RIC3: variants seen among roughly 807,000 people sequenced by gnomAD.
RIC3 encodes protein RIC-3.
A neutral mutation model predicts 27.3 loss-of-function variants in RIC3; 28 were observed. That is an observed-to-expected ratio of 1.02 (90% CI 0.76 to 1.41). The LOEUF (loss-of-function observed/expected upper bound fraction) is 1.41, where lower values mean the gene tolerates loss of function less well. Ranked by LOEUF, RIC3 falls within the 40% of genes most tolerant of loss-of-function variation. The pLI, the probability that RIC3 is intolerant of heterozygous loss-of-function variation, is 0.00. For missense variants in RIC3, 501 were observed against 444.7 expected, an observed-to-expected ratio of 1.13 and a Z score of -1.14; for synonymous variants, 184 against 160.4, an observed-to-expected ratio of 1.15 and a Z score of -1.11.
chr11:8,112,598 A>G (rs1396596288), intron 5 of RIC3, among the ~76,000 whole-genome samples: 1 of 152,158 alleles, frequency 6.6e-6, no homozygotes, highest in East Asian at 1.9e-4. Flanking sequence ...CCCGGCCAAC[A>G]TGTATTTTCT....
chr11:8,096,619 A>G, the RIC3 span: 1 of 1,047,234 alleles, frequency 9.5e-7, no homozygotes, highest in Non-Finnish European at 1.5e-6. Flanking sequence ...GTATGTGACC[A>G]TGTGTATTTC....
chr11:8,157,499 A>G (rs1950773112), intron 1 of RIC3, among the ~76,000 whole-genome samples: 1 of 152,218 alleles, frequency 6.6e-6, no homozygotes, highest in Admixed American at 6.5e-5. Flanking sequence ...CCCTTGCTGC[A>G]ATGAGTAATA....
chr11:8,119,530 A>ACAAAATT (rs1946224527), intron 5 of RIC3, among the ~76,000 whole-genome samples: 1 of 152,222 alleles, frequency 6.6e-6, no homozygotes, highest in Non-Finnish European at 1.5e-5. Flanking sequence ...CTTGCACCTT[A>ACAAAATT]TACAAAAATT....
At chr11:8,129,725 T>C (rs1458357182) in intron 4 of RIC3, among the ~76,000 whole-genome samples, 12 of 152,210 alleles carry the variant, frequency 7.9e-5, no homozygotes, top group African/African-American at 2.9e-4. Context: ...CATTCATGGT[T>C]AGAACAGAAC....
At chr11:8,099,768 C>T in the RIC3 span, among the ~76,000 whole-genome samples, 1 of 152,228 alleles carries the variant, frequency 6.6e-6, no homozygotes, top group South Asian at 2.1e-4. Context: ...GGGAGGGCGT[C>T]ACTGAGGTAG....
chr11:8,108,272 T>C lies in RIC3; in HGVS notation c.*2426A>G, dbSNP rs1944890977. 1 of 152,170 alleles carries C rather than the reference T, an allele frequency of 6.6e-6. No homozygotes were observed. The highest frequency in any genetic ancestry group is 2.4e-5 in the African/African-American group (1 of 41,430). The allele number at this position is 152,170 out of a possible 1,614,324, so 9.4% of individuals were successfully genotyped here. A position where few individuals can be genotyped will look rare whatever the true frequency, so the allele number is the denominator to read the frequency against. On this transcript the variant is annotated 3_prime_UTR_variant, in exon 6 of 6. Transcript: ENST00000309737. ...ACCCTACTGCTTTTTTCAACAACTC[T>C]TTCTGCCAAGAGTGTCCTCTCTTCT... is the stretch of plus-strand genomic sequence containing the variant.
chr11:8,158,518 T>C (rs1313582717), intron 1 of RIC3, among the ~76,000 whole-genome samples: 3 of 151,802 alleles, frequency 2.0e-5, no homozygotes, highest in Non-Finnish European at 4.4e-5. Flanking sequence ...CTCATTCAGC[T>C]GACAATGGAA....
chr11:8,102,234 G>C (rs1005855063), downstream of RIC3: 1 of 152,234 alleles, frequency 6.6e-6, no homozygotes, highest in African/African-American at 2.4e-5. Context: ...CAGGATTGCA[G>C]GTGCCTGGCT....
At chr11:8,095,993 C>G in the RIC3 span, among the ~76,000 whole-genome samples, 1 of 152,224 alleles carries the variant, frequency 6.6e-6, no homozygotes, top group African/African-American at 2.4e-5. Flanking sequence ...TGGAAACCTG[C>G]TGTTCAGTTT....
chr11:8,152,589 G>C (rs145066463), intron 1 of RIC3, among the ~76,000 whole-genome samples: 1 of 152,284 alleles, frequency 6.6e-6, no homozygotes, highest in African/African-American at 2.4e-5. Flanking sequence ...GAAGGAAAAA[G>C]TGACTGCCTA....
chr11:8,146,129 G>T (rs1401682879), intron 1 of RIC3, among the ~76,000 whole-genome samples: 2 of 152,210 alleles, frequency 1.3e-5, no homozygotes, highest in East Asian at 1.9e-4. Flanking sequence ...GTGTAGTAGG[G>T]AGTTTGAAGT....
chr11:8,101,384 A>G, downstream of RIC3: 1 of 1,437,718 alleles, frequency 7.0e-7, no homozygotes, highest in Admixed American at 1.8e-5. Context: ...TCTGCTTCTC[A>G]CTTGTTCTTC....
intron 5 of RIC3, among the ~76,000 whole-genome samples, chr11:8,115,715 A>C (rs930500375): frequency 1.1e-4 from 16 of 152,104 alleles, no homozygotes; most frequent in Admixed American, 2.6e-4. Context: ...GCTGAAATGA[A>C]AACTATAAAA....
Position 8,110,451 on chromosome 11 carries a change from TTC to T in RIC3, c.*245_*246del. ...AAACATAATTACTTAATGGATCAACTTCTCTGATAGAGGAAAGGCAGGAAGAG... is the reference window on the plus strand; with the variant it reads ...AAACATAATTACTTAATGGATCAACTTCTGATAGAGGAAAGGCAGGAAGAG... On this transcript the variant is annotated 3_prime_UTR_variant, in exon 6 of 6. Transcript: ENST00000309737. The T allele has an allele frequency of 3.4e-6, 2 of 583,158 alleles. No individual in the cohort carries two copies. The highest frequency in any genetic ancestry group is 6.2e-6 in the Non-Finnish European group (2 of 325,126). 36.1% of individuals were successfully genotyped at this position (583,158 alleles called of 1,614,324 possible). A position where few individuals can be genotyped will look rare whatever the true frequency, so the allele number is the denominator to read the frequency against.
At chr11:8,096,734 G>C in the RIC3 span, 7 of 1,614,082 alleles carry the variant, frequency 4.3e-6, no homozygotes, top group Non-Finnish European at 5.9e-6. Context: ...ATGAGGAGGA[G>C]AATAGCTCCA....
At chr11:8,102,781 T>C (rs1316185698), downstream of RIC3, 1 of 152,188 alleles carries the variant, frequency 6.6e-6, no homozygotes, top group Non-Finnish European at 1.5e-5. Context: ...CTTGTTGCTT[T>C]AGGTGAGTCA....
the RIC3 span, chr11:8,100,356 T>C: frequency 1.5e-6 from 1 of 667,614 alleles, no homozygotes; most frequent in Admixed American, 2.2e-5. Flanking sequence ...GGCTCAGTTC[T>C]GGCCGTGTTA....
the RIC3 span, chr11:8,100,893 A>G: frequency 6.2e-7 from 1 of 1,614,188 alleles, no homozygotes; most frequent in South Asian, 1.1e-5. Flanking sequence ...CTGCAAAACA[A>G]GACACCTGTC....
At chr11:8,139,363 C>T (rs1948781380) in intron 2 of RIC3, 1 of 153,568 alleles carries the variant, frequency 6.5e-6, no homozygotes. Flanking sequence ...GGAGGTGGAA[C>T]TCAACTGGGG....
Sources: gnomAD v4.1 joint callset for allele counts (sites outside exome capture counted in the v4.1 genomes callset) on GRCh38, gnomAD v4.1.1 for gene constraint, MANE v1.5 for transcripts, NCBI Gene and HGNC (gene_info 2026-07-23, HGNC 2026-07-21) for gene names.